Variants in DNAH17 observed in about 807,000 individuals in gnomAD.
The protein encoded by DNAH17 is axonemal beta dynein heavy chain 17.
A neutral mutation model predicts 485.6 loss-of-function variants in DNAH17; 376 were observed. That is an observed-to-expected ratio of 0.77 (90% CI 0.71 to 0.84). The LOEUF is 0.84. Ranked by LOEUF, DNAH17 falls within the 40% of genes least tolerant of loss-of-function variation. DNAH17 has a pLI of 0.00. For missense variants in DNAH17, 6,370 were observed against 5,839.3 expected (o/e 1.09, Z -2.96); for synonymous variants, 3,031 against 2,405.9 (o/e 1.26, Z -7.60).
chr17:78,532,502 G>GGGTGGGT lies in DNAH17; in HGVS notation c.3093_3094insACCCACC (p.Leu1032ThrfsTer18), dbSNP rs1407804521. ...CGCACCTGCTCCTGGAACTGAGCCA[G>GGGTGGGT]GGTGGGCGGTGTCTTGGGGATGGTG... On this transcript the variant is annotated frameshift_variant, in exon 20 of 81. Transcript: ENST00000389840. LOFTEE classifies it high-confidence loss of function. 1.9e-6 allele frequency: 3 copies of GGGTGGGT among 1,611,162 alleles called. No homozygotes were observed. The African/African-American group carries it at 4.0e-5, about 22-fold the overall frequency.
chr17:78,499,090 C>T lies in DNAH17; in HGVS notation c.5663G>A (p.Gly1888Asp), dbSNP rs994537250. ...GCCCCAGGCTCCCGTCTGGGCCAGG[C>T]CCTTGTAGATATTTCCACAGGACTG... Reference protein sequence around the residue: ...DYKSCGNIYKGLAQTGAWGCF... With the variant: ...DYKSCGNIYKDLAQTGAWGCF... Residue 1888 changes from glycine (G) to aspartate (D), a missense_variant, in exon 37 of 81, where the codon GGC (glycine) becomes GAC (aspartate). By Grantham distance (94) the Gly-to-Asp change is moderately conservative (BLOSUM62 -1). Transcript: ENST00000389840. 1.9e-6 allele frequency: 3 copies of T among 1,603,842 alleles called. No individual in the cohort carries two copies. The highest frequency in any genetic ancestry group is 2.7e-5 in the African/African-American group (2 of 74,426).
At chr17:78,460,344 G>GCATGTGTGTA in intron 58 of DNAH17, 87 bp from the exon 59 acceptor site, 1 of 963,676 alleles carries the variant, frequency 1.0e-6, no homozygotes, top group Non-Finnish European at 1.6e-6. Flanking sequence ...GCATGTGTGT[G>GCATGTGTGTA]CATGTGTGTG....
intron 57 of DNAH17, 150 bp downstream of exon 57, chr17:78,462,694 A>G: frequency 2.8e-6 from 2 of 711,446 alleles, no homozygotes; most frequent in South Asian, 3.7e-5. Flanking sequence ...CTAGGAGTAA[A>G]TGCTTCTCAA....
chr17:78,442,595 C>T (rs926709266), intron 71 of DNAH17, among the ~76,000 whole-genome samples: 1 of 152,216 alleles, frequency 6.6e-6, no homozygotes, highest in East Asian at 1.9e-4. Context: ...AAATGGTCAT[C>T]GGCTGTGGAT....
intron 20 of DNAH17, among the ~76,000 whole-genome samples, chr17:78,530,724 A>G (rs559643870): frequency 6.6e-6 from 1 of 152,298 alleles, no homozygotes; most frequent in South Asian, 2.1e-4. Context: ...TAGCCCCAGA[A>G]GGTGCCAGTC....
rs761982279 is a variant in DNAH17, at chr17:78,484,982, G to A, written c.7535C>T (p.Pro2512Leu). The change falls in exon 48 of 81, where the codon CCA (proline) becomes CTA (leucine). Residue 2512 changes from proline (P) to leucine (L), a missense_variant. By Grantham distance (98) the Pro-to-Leu change is moderately conservative. Transcript: ENST00000389840. Reference sequence around the variant, plus strand: ...GAAGTAGACGAGCTTCTTAGTGCCTGGCGGCCCGTAGTTCCTCCCCGATTT... The same window carrying A: ...GAAGTAGACGAGCTTCTTAGTGCCTAGCGGCCCGTAGTTCCTCCCCGATTT... The part of the protein sequence containing the change: ...EKKSGRNYGP[P>L]GTKKLVYFID... 8 of 1,613,440 alleles carry A rather than the reference G, an allele frequency of 5.0e-6. No homozygotes were observed. The East Asian group carries it at 1.3e-4, about 27-fold the overall frequency.
chr17:78,453,488 G>C (rs780771130), intron 64 of DNAH17, 23 bp from the exon 65 acceptor site: 3 of 1,613,176 alleles, frequency 1.9e-6, no homozygotes, highest in Non-Finnish European at 2.5e-6. Flanking sequence ...CACGGAAGCT[G>C]GTTCATGGCA....
At chr17:78,440,625 A>C (rs966290856) in intron 72 of DNAH17, among the ~76,000 whole-genome samples, 6 of 152,056 alleles carry the variant, frequency 3.9e-5, no homozygotes, top group African/African-American at 1.2e-4. Flanking sequence ...CTGTTTATCC[A>C]CTTATCCATT....
Position 78,437,785 on chromosome 17 carries a change from C to G in DNAH17, c.11889G>C (p.Arg3963=). ...HYSTGSHEDY[R]VFISAEPAPS... ...GGGCAGGCTCCGCGCTGATGAACAC[C>G]CGGTAGTCCTCATGGCTGCCCGTGC... The change falls in exon 74 of 81, where the codon CGG becomes CGC. Residue 3963 remains arginine, a synonymous_variant. Transcript: ENST00000389840. 2 of 1,612,586 alleles carry G rather than the reference C, an allele frequency of 1.2e-6. No homozygotes were observed. The highest frequency in any genetic ancestry group is 1.7e-6 in the Non-Finnish European group (2 of 1,179,772).
Position 78,457,360 on chromosome 17 carries a change from G to C in DNAH17, c.9977+1205C>G, listed in dbSNP as rs994211227. 5.9e-5 allele frequency among the ~76,000 whole-genome samples: 9 copies of C among 151,860 alleles called. No individual in the cohort carries two copies. In the South Asian group the frequency reaches 1.9e-3, roughly 32 times the overall value. On this transcript the variant is annotated intron_variant, in intron 62 of 80. Transcript: ENST00000389840. ...TACTGCAGCCTGGGTGACGGAGTGAGACTCCCCTGTCTCCAAAACAAAACA... is the reference window on the plus strand; with the variant it reads ...TACTGCAGCCTGGGTGACGGAGTGACACTCCCCTGTCTCCAAAACAAAACA...
chr17:78,512,808 G>T (rs1250317486), intron 26 of DNAH17, among the ~76,000 whole-genome samples: 1 of 152,054 alleles, frequency 6.6e-6, no homozygotes, highest in Non-Finnish European at 1.5e-5. Flanking sequence ...AGGCGTGATG[G>T]CATGTGCCTA....
intron 56 of DNAH17, among the ~76,000 whole-genome samples, chr17:78,464,531 G>A (rs1345959750): frequency 6.6e-6 from 1 of 152,242 alleles, no homozygotes; most frequent in African/African-American, 2.4e-5. Context: ...AAAGTGCTGG[G>A]ATTATAGGCG....
chr17:78,536,025 C>T (rs1351623724), intron 19 of DNAH17, among the ~76,000 whole-genome samples: 1 of 152,106 alleles, frequency 6.6e-6, no homozygotes, highest in Non-Finnish European at 1.5e-5. Context: ...TCCTTCCTAC[C>T]CCAGAGCCTG....
chr17:78,572,539 C>CCTAA, intron 3 of DNAH17, among the ~76,000 whole-genome samples, 162 bp downstream of exon 3: 1 of 151,838 alleles, frequency 6.6e-6, no homozygotes, highest in East Asian at 1.9e-4. Flanking sequence ...CTCAGCACCA[C>CCTAA]CTAACGCACC....
rs748213250 is a variant in DNAH17, at chr17:78,444,584, C to T, written c.11528+20G>A. The T allele has an allele frequency of 9.0e-5, 138 of 1,532,650 alleles. No individual in the cohort carries two copies. The highest frequency in any genetic ancestry group is 1.1e-4 in the Non-Finnish European group (127 of 1,141,018). 94.9% of individuals were successfully genotyped at this position (1,532,650 alleles called of 1,614,324 possible). ...GCCTGGGCCTCGGGGGCGGGGCCCC[C>T]GGCGCGGCGGGACACTCACTTGATA... On this transcript the variant is annotated intron_variant, in intron 71 of 80. Coordinates refer to ENST00000389840, the MANE Select transcript of DNAH17 (RefSeq NM_173628.4).
chr17:78,571,057 C>A, intron 5 of DNAH17, 24 bp from the exon 6 acceptor site: 1 of 1,554,788 alleles, frequency 6.4e-7, no homozygotes, highest in East Asian at 2.4e-5. Flanking sequence ...GAACAAGTGC[C>A]CACCGGTAAG....
chr17:78,503,087 T>A, intron 31 of DNAH17, 76 bp from the exon 32 acceptor site: 1 of 1,492,322 alleles, frequency 6.7e-7, no homozygotes, highest in South Asian at 1.4e-5. Context: ...TTTGTATTTG[T>A]TGTAAAGAAA....
At chr17:78,473,023 C>T (rs1465715500) in intron 54 of DNAH17, among the ~76,000 whole-genome samples, 6 of 152,236 alleles carry the variant, frequency 3.9e-5, no homozygotes, top group Non-Finnish European at 5.9e-5. Flanking sequence ...TTCCTGTGCA[C>T]CCCTAGCCTC....
At chr17:78,501,510 G>T in intron 34 of DNAH17, 166 bp from the exon 35 acceptor site, 1 of 996,538 alleles carries the variant, frequency 1.0e-6, no homozygotes, top group Non-Finnish European at 1.4e-6. Context: ...CACCCTCAGT[G>T]GAATCTCGCT....
Sources: allele counts gnomAD v4.1 joint callset (sites outside exome capture counted in the v4.1 genomes callset), GRCh38; gene constraint gnomAD v4.1.1; transcripts MANE v1.5; gene names NCBI Gene and HGNC (gene_info 2026-07-23, HGNC 2026-07-21).